The following ZNF579 variants were observed in gnomAD, a reference collection of about 807,000 sequenced individuals.
ZNF579 encodes the protein zinc finger protein 579.
A neutral mutation model predicts 5.7 loss-of-function variants in ZNF579; 3 were observed. The ratio of observed to expected loss-of-function variants is 0.53; its 90% CI spans 0.24 to 1.36. The LOEUF (loss-of-function observed/expected upper bound fraction) is 1.36, where lower values mean the gene tolerates loss of function less well. ZNF579 is among the 40% of genes most tolerant of loss of function. The pLI, the probability that ZNF579 is intolerant of heterozygous loss-of-function variation, is 0.16. For missense variants in ZNF579, 679 were observed against 877.6 expected (o/e 0.77, Z 2.86); for synonymous variants, 454 against 409.0 (o/e 1.11, Z -1.33).
rs983355541 is a variant in ZNF579 at position 55,579,586 on chromosome 19, T to TCGGCCA, written c.48_53dup (p.Arg34_Gly35dup). The TCGGCCA allele has an allele frequency of 9.4e-6, 14 of 1,493,208 alleles. No individual in the cohort carries two copies. Among genetic ancestry groups the TCGGCCA allele is most frequent in the East Asian group, 8.5e-5 (3 of 35,250 alleles). The allele number at this position is 1,493,208 out of a possible 1,614,324, so 92.5% of individuals were successfully genotyped here. ...CACGGCCTCGGCCACGGCCCCGGCCTCGGCCACGGTGAGGTGGGCTGCCCT... is the reference window on the plus strand; with the variant it reads ...CACGGCCTCGGCCACGGCCCCGGCCTCGGCCACGGCCACGGTGAGGTGGGCTGCCCT... On this transcript the variant is annotated inframe_insertion, in exon 2 of 2. Coordinates refer to ENST00000325421, the MANE Select transcript of ZNF579 (RefSeq NM_152600.3).
At position 55,579,579 on chromosome 19, in the gene ZNF579, C is replaced by T. The variant is rs1259461861; in HGVS notation, c.61G>A (p.Gly21Ser). ...CCCCGACCACGGCCTCGGCCACGGCCCCGGCCTCGGCCACGGTGAGGTGGG... is the reference window on the plus strand; with the variant it reads ...CCCCGACCACGGCCTCGGCCACGGCTCCGGCCTCGGCCACGGTGAGGTGGG... The part of the protein sequence containing the change: ...GSPPHRGRGR[G>S]RGRGRGRGRG... Residue 21 changes from glycine to serine, a missense_variant, in exon 2 of 2, where the codon GGC (glycine) becomes AGC (serine). Physicochemically the swap from Gly to Ser is moderately conservative, Grantham distance 56 (BLOSUM62 0). Transcript: ENST00000325421. 1 of 1,494,430 alleles carries T rather than the reference C, an allele frequency of 6.7e-7. No individual in the cohort carries two copies. The highest frequency in any genetic ancestry group is 2.8e-5 in the East Asian group (1 of 35,294). 92.6% of individuals were successfully genotyped at this position (1,494,430 alleles called of 1,614,324 possible).
rs764201227 is a variant in ZNF579, at chr19:55,578,589, C to G, written c.1051G>C (p.Gly351Arg). The stretch of plus-strand genomic sequence containing the variant: ...CCCCCGCACTCCGCCCCCTCGCCCC[C>G]CTCCGGCCCCTTGGCTGAGTTCCGT... ...GARNSAKGPE[G>R]GEGAECGGAS... is the part of the protein sequence containing the mutation. The change falls in exon 2 of 2, where the codon GGG (glycine) becomes CGG (arginine). Residue 351 changes from glycine (G) to arginine (R), a missense_variant. By Grantham distance (125) the Gly-to-Arg change is moderately radical. This residue lies in a region of ZNF579 where 114 missense variants were observed against 98.9 expected (regional missense o/e 1.15). Transcript: ENST00000325421. 409 of 1,497,242 alleles carry G rather than the reference C, an allele frequency of 2.7e-4. 3 individuals carry two copies. Among genetic ancestry groups the G allele is most frequent in the Non-Finnish European group, 3.5e-4 (399 of 1,134,778 alleles). 92.7% of individuals were successfully genotyped at this position (1,497,242 alleles called of 1,614,324 possible).
In ZNF579 at chr19:55,577,963, G is replaced by T; in HGVS notation, c.1677C>A (p.Gly559=). 6.3e-7 allele frequency: 1 copy of T among 1,592,064 alleles called. No homozygotes were observed. The highest frequency in any genetic ancestry group is 8.5e-7 in the Non-Finnish European group (1 of 1,169,694). ...DSKAHLRGLG[G]LAS ...AGGGCGGCGAAGGTCAGGAGGCCAG[G>T]CCCCCCAGCCCGCGCAGGTGAGCCT... Residue 559 remains glycine, a synonymous_variant, in exon 2 of 2, where the codon GGC becomes GGA. Coordinates refer to ENST00000325421, the MANE Select transcript of ZNF579 (RefSeq NM_152600.3).
chr19:55,580,565 C>T (rs1979626055), intron 1 of ZNF579, among the ~76,000 whole-genome samples: 1 of 148,786 alleles, frequency 6.7e-6, no homozygotes, highest in African/African-American at 2.5e-5. Context: ...GGGGACCCAG[C>T]TGCCGGGAAT....
chr19:55,580,567 G>T (rs1979626226), intron 1 of ZNF579, among the ~76,000 whole-genome samples: 1 of 150,960 alleles, frequency 6.6e-6, no homozygotes, highest in Non-Finnish European at 1.5e-5. Flanking sequence ...GGACCCAGCT[G>T]CCGGGAATCC....
In ZNF579 at chr19:55,579,621, G is replaced by T. The variant is rs1378980033; in HGVS notation, c.19C>A (p.Pro7Thr). The change falls in exon 2 of 2, where the codon CCA becomes ACA. Residue 7 changes from proline (P) to threonine (T), a missense_variant. Physicochemically the swap from Pro to Thr is conservative, Grantham distance 38 (BLOSUM62 -1). Coordinates refer to ENST00000325421, the MANE Select transcript of ZNF579 (RefSeq NM_152600.3). MDPQPP[P>T]PAQGSPPHRG... Reference sequence around the variant, plus strand: ...TGAGGTGGGCTGCCCTGGGCGGGTGGAGGAGGCTGCGGATCCATGCCTGTG... The same window carrying T: ...TGAGGTGGGCTGCCCTGGGCGGGTGTAGGAGGCTGCGGATCCATGCCTGTG... 1.4e-6 allele frequency: 2 copies of T among 1,477,040 alleles called. No homozygotes were observed. The highest frequency in any genetic ancestry group is 1.8e-6 in the Non-Finnish European group (2 of 1,122,822). 91.5% of individuals were successfully genotyped at this position (1,477,040 alleles called of 1,614,324 possible).
In ZNF579 at chr19:55,579,234, C is replaced by T. The variant is rs1979542910; in HGVS notation, c.406G>A (p.Ala136Thr). Residue 136 changes from alanine (A) to threonine (T), a missense_variant, in exon 2 of 2, where the codon GCC becomes ACC. Coordinates refer to ENST00000325421, the MANE Select transcript of ZNF579 (RefSeq NM_152600.3). ...CAGCTGGGTTCGGCCGTCTCCTTGG[C>T]CACCCTCTCGATGGCCAGCTCGACC... ...GEVELAIERVAKETAEPSWGP... is the reference protein window; with the variant it reads ...GEVELAIERVTKETAEPSWGP... 9 of 1,522,088 alleles carry T rather than the reference C, an allele frequency of 5.9e-6. No homozygotes were observed. The highest frequency in any genetic ancestry group is 2.0e-5 in the Admixed American group (1 of 50,464). The allele number at this position is 1,522,088 out of a possible 1,614,324, so 94.3% of individuals were successfully genotyped here.
In ZNF579 at chr19:55,578,611, C is replaced by A. The variant is rs1195379536; in HGVS notation, c.1029G>T (p.Arg343=). The A allele has an allele frequency of 6.6e-7, 1 of 1,522,238 alleles. No individual in the cohort carries two copies. The allele number at this position is 1,522,238 out of a possible 1,614,324, so 94.3% of individuals were successfully genotyped here. ...GKKDDKASGA[R]NSAKGPEGGE... ...CCCCCTCCGGCCCCTTGGCTGAGTTCCGTGCACCCGAGGCCTTGTCGTCCT... is the reference window on the plus strand; with the variant it reads ...CCCCCTCCGGCCCCTTGGCTGAGTTACGTGCACCCGAGGCCTTGTCGTCCT... Residue 343 remains arginine (R), a synonymous_variant, in exon 2 of 2, where the codon CGG becomes CGT. Transcript: ENST00000325421.
Position 55,578,576 on chromosome 19 carries a change from G to C in ZNF579, c.1064C>G (p.Ala355Gly). 2 of 1,448,026 alleles carry C rather than the reference G, an allele frequency of 1.4e-6. No individual in the cohort carries two copies. Among genetic ancestry groups the C allele is most frequent in the Admixed American group, 5.3e-5 (2 of 37,524 alleles). 89.7% of individuals were successfully genotyped at this position (1,448,026 alleles called of 1,614,324 possible). ...SAKGPEGGEG[A>G]ECGGASEGGE... ...CCCTTCCGAGGCACCCCCGCACTCC[G>C]CCCCCTCGCCCCCCTCCGGCCCCTT... Residue 355 changes from alanine to glycine, a missense_variant, in exon 2 of 2, where the codon GCG becomes GGG. Around this residue, in one of 6 missense-constraint regions of ZNF579, gnomAD observed 114 missense variants for 98.9 expected, o/e 1.15. Coordinates refer to ENST00000325421, the MANE Select transcript of ZNF579 (RefSeq NM_152600.3).
In ZNF579 at chr19:55,579,240, T is replaced by C; in HGVS notation, c.400A>G (p.Arg134Gly). The C allele has an allele frequency of 6.6e-7, 1 of 1,521,132 alleles. No homozygotes were observed. The highest frequency in any genetic ancestry group is 8.8e-7 in the Non-Finnish European group (1 of 1,139,856). The allele number at this position is 1,521,132 out of a possible 1,614,324, so 94.2% of individuals were successfully genotyped here. Residue 134 changes from arginine (R) to glycine (G), a missense_variant, in exon 2 of 2, where the codon AGG becomes GGG. By Grantham distance (125) the Arg-to-Gly change is moderately radical. Around this residue, in one of 6 missense-constraint regions of ZNF579, gnomAD observed 209 missense variants for 223.4 expected, o/e 0.94. Coordinates refer to ENST00000325421, the MANE Select transcript of ZNF579 (RefSeq NM_152600.3). ...GGTTCGGCCGTCTCCTTGGCCACCC[T>C]CTCGATGGCCAGCTCGACCTCGCCG... The part of the protein sequence containing the change: ...AGGEVELAIE[R>G]VAKETAEPSW...
In ZNF579 at chr19:55,577,723, C is replaced by T. The variant is rs891317299; in HGVS notation, c.*228G>A. 2.4e-5 allele frequency: 19 copies of T among 783,288 alleles called. No individual in the cohort carries two copies. Among genetic ancestry groups the T allele is most frequent in the East Asian group, 9.3e-5 (3 of 32,404 alleles). 48.5% of individuals were successfully genotyped at this position (783,288 alleles called of 1,614,324 possible). Reference sequence around the variant, plus strand: ...CTGTCCGCCGCCTTTTTTTCCAAGTCGTCCTGCCTTAAGACACATGTTGGG... The same window carrying T: ...CTGTCCGCCGCCTTTTTTTCCAAGTTGTCCTGCCTTAAGACACATGTTGGG... On this transcript the variant is annotated 3_prime_UTR_variant, in exon 2 of 2. Transcript: ENST00000325421.
Position 55,578,414 on chromosome 19 carries a change from G to A in ZNF579, c.1226C>T (p.Ala409Val), listed in dbSNP as rs1979470519. ...GCAGCGCACGCACTGGAAGGGGCGC[G>A]CTCCCGAGTGGGTCACCCCGTGCTG... The part of the protein sequence containing the change: ...LRQHGVTHSG[A>V]RPFQCVRCQR... Residue 409 changes from alanine to valine, a missense_variant, in exon 2 of 2, where the codon GCG becomes GTG. Ala to Val is a moderately conservative substitution (Grantham distance 64). Transcript: ENST00000325421. The A allele has an allele frequency of 6.8e-7, 1 of 1,479,306 alleles. No homozygotes were observed. Among genetic ancestry groups the A allele is most frequent in the East Asian group, 2.9e-5 (1 of 34,888 alleles). 91.6% of individuals were successfully genotyped at this position (1,479,306 alleles called of 1,614,324 possible).
rs1386361431 is a variant in ZNF579, at chr19:55,578,016, C to G, written c.1624G>C (p.Glu542Gln). ...CTGTCTACCTCTTCCTCCTCCATCT[C>G]GAAGGCTGAGTGGTCTTGGCTGTCG... is the stretch of plus-strand genomic sequence containing the variant. The part of the protein sequence containing the change: ...CFDSQDHSAF[E>Q]MEEEEVDSKA... Residue 542 changes from glutamate (E) to glutamine (Q), a missense_variant, in exon 2 of 2, where the codon GAG becomes CAG. Transcript: ENST00000325421. The G allele has an allele frequency of 2.5e-6, 4 of 1,598,846 alleles. No individual in the cohort carries two copies. Among genetic ancestry groups the G allele is most frequent in the Middle Eastern group, 1.6e-4 (1 of 6,064 alleles).
Position 55,578,600 on chromosome 19 carries a change from T to G in ZNF579, c.1040A>C (p.Lys347Thr). The G allele has an allele frequency of 6.6e-7, 1 of 1,512,942 alleles. No homozygotes were observed. Among genetic ancestry groups the G allele is most frequent in the Non-Finnish European group, 8.8e-7 (1 of 1,142,528 alleles). 93.7% of individuals were successfully genotyped at this position (1,512,942 alleles called of 1,614,324 possible). A position where few individuals can be genotyped will look rare whatever the true frequency, so the allele number is the denominator to read the frequency against. The stretch of plus-strand genomic sequence containing the variant: ...CGCCCCCTCGCCCCCCTCCGGCCCC[T>G]TGGCTGAGTTCCGTGCACCCGAGGC... ...DKASGARNSAKGPEGGEGAEC... is the reference protein window; with the variant it reads ...DKASGARNSATGPEGGEGAEC... Residue 347 changes from lysine to threonine, a missense_variant, in exon 2 of 2, where the codon AAG (lysine) becomes ACG (threonine). Physicochemically the swap from Lys to Thr is moderately conservative, Grantham distance 78. Transcript: ENST00000325421.
chr19:55,580,755 G>C (rs1599973190), intron 1 of ZNF579, 40 bp downstream of exon 1: 1 of 152,496 alleles, frequency 6.6e-6, no homozygotes, highest in East Asian at 1.9e-4. Flanking sequence ...TCAGCCCTGG[G>C]CCTGGGGCTT....
Position 55,578,761 on chromosome 19 carries a change from G to A in ZNF579, c.879C>T (p.Ser293=). 3 of 1,602,114 alleles carry A rather than the reference G, an allele frequency of 1.9e-6. No homozygotes were observed. Among genetic ancestry groups the A allele is most frequent in the Middle Eastern group, 1.7e-4 (1 of 6,004 alleles). The change falls in exon 2 of 2, where the codon TCC becomes TCT. Residue 293 remains serine (S), a synonymous_variant. Coordinates refer to ENST00000325421, the MANE Select transcript of ZNF579 (RefSeq NM_152600.3). ...CTGGGCACACGAAAGGGCGGTCGGT[G>A]GAGTGGACCAGCCGGTGGCGCGACA... is the stretch of plus-strand genomic sequence containing the variant. ...WSLSRHRLVH[S]TDRPFVCPDC... is the part of the protein sequence containing the mutation.
chr19:55,579,025 C>T lies in ZNF579; in HGVS notation c.615G>A (p.Glu205=). ...CCGCCAGCGCCAGCTCGGCCCTCAG[C>T]TCTGCTGCCCCGGCCTCGGCCTCCT... ...ESEEAEAGAA[E]LRAELALAAG... Residue 205 remains glutamate (E), a synonymous_variant, in exon 2 of 2, where the codon GAG becomes GAA. Coordinates refer to ENST00000325421, the MANE Select transcript of ZNF579 (RefSeq NM_152600.3). 1 of 1,531,148 alleles carries T rather than the reference C, an allele frequency of 6.5e-7. No homozygotes were observed. 94.8% of individuals were successfully genotyped at this position (1,531,148 alleles called of 1,614,324 possible).
At chr19:55,580,094 C>G (rs186922492) in intron 1 of ZNF579, 1 of 155,886 alleles carries the variant, frequency 6.4e-6, no homozygotes, top group Non-Finnish European at 1.4e-5. Flanking sequence ...AGAGCAGTGG[C>G]GGGTTGGGGG....
chr19:55,579,896 A>T, intron 1 of ZNF579: 1 of 386,258 alleles, frequency 2.6e-6, no homozygotes, highest in Non-Finnish European at 4.6e-6. Flanking sequence ...CAGAGATGGG[A>T]GACACAGAGA....
Sources: gnomAD v4.1 joint callset for allele counts (sites outside exome capture counted in the v4.1 genomes callset) on GRCh38, gnomAD v4.1.1 for gene constraint, gnomAD v4.1.1 regional missense constraint, MANE v1.5 for transcripts, NCBI Gene and HGNC (gene_info 2026-07-23, HGNC 2026-07-21) for gene names.